The following KCNN2 variants were observed in gnomAD, a reference collection of about 807,000 sequenced individuals.
KCNN2 encodes potassium calcium-activated channel subfamily N member 2.
In KCNN2, 24 loss-of-function variants were observed where a neutral mutation model predicts 55.5. The observed-to-expected ratio is 0.43, with a 90% CI of 0.31 to 0.61. The LOEUF is 0.61. Ranked by LOEUF, KCNN2 falls within the 20% of genes least tolerant of loss-of-function variation. The probability of loss-of-function intolerance (pLI) is 0.08; values close to 1 mark genes in which losing one functional copy is unlikely to be tolerated. For missense variants in KCNN2, 754 were observed against 853.6 expected (o/e 0.88, Z 1.45); for synonymous variants, 431 against 336.1 (o/e 1.28, Z -3.09).
At chr5:114,186,407 GGTGCCATTTTCTGGTCAATTT>G (rs1481155736) in intron 1 of KCNN2, among the ~76,000 whole-genome samples, 1 of 152,050 alleles carries the variant, frequency 6.6e-6, no homozygotes, top group Admixed American at 6.5e-5. Context: ...AGAAAAATGA[GGTGCCATTTTCTGGTCAATTT>G]GTGGAAGTAA....
intron 2 of KCNN2, among the ~76,000 whole-genome samples, chr5:114,261,589 G>T (rs1482649052): frequency 6.6e-6 from 1 of 152,180 alleles, no homozygotes; most frequent in East Asian, 1.9e-4. Context: ...TTCCACCTAA[G>T]AAATGTTTGT....
intron 1 of KCNN2, among the ~76,000 whole-genome samples, chr5:114,143,546 G>A (rs187849453): frequency 3.0e-4 from 46 of 152,200 alleles, no homozygotes; most frequent in African/African-American, 9.6e-4. Flanking sequence ...GGTGCCCCTC[G>A]TGCGTCCATT....
intron 3 of KCNN2, among the ~76,000 whole-genome samples, chr5:114,418,540 C>A (rs1175467868): frequency 6.6e-6 from 1 of 151,820 alleles, no homozygotes; most frequent in Non-Finnish European, 1.5e-5. Flanking sequence ...GTGCAGCTGC[C>A]ATCATTGTCT....
At chr5:114,233,242 T>C (rs1387773874) in intron 2 of KCNN2, among the ~76,000 whole-genome samples, 3 of 152,152 alleles carry the variant, frequency 2.0e-5, no homozygotes, top group Non-Finnish European at 4.4e-5. Context: ...TTTTAACAGA[T>C]ACAAAAATAA....
At chr5:114,163,167 CTGTT>C (rs1246199404) in intron 1 of KCNN2, among the ~76,000 whole-genome samples, 2 of 152,162 alleles carry the variant, frequency 1.3e-5, no homozygotes, top group East Asian at 1.9e-4. Context: ...GTTTCTTAAG[CTGTT>C]TGTTTAGGAA....
intron 1 of KCNN2, among the ~76,000 whole-genome samples, chr5:114,208,077 A>G (rs1753810600): frequency 6.6e-6 from 1 of 152,210 alleles, no homozygotes; most frequent in South Asian, 2.1e-4. Flanking sequence ...TATTAGCATT[A>G]CCATGAGCTC....
At chr5:114,135,641 C>T (rs911597380) in intron 1 of KCNN2, among the ~76,000 whole-genome samples, 4 of 152,164 alleles carry the variant, frequency 2.6e-5, no homozygotes, top group Non-Finnish European at 1.5e-5. Flanking sequence ...ACAGAATTTC[C>T]AGTTAGTTTT....
At chr5:114,082,043 T>C (rs1344017676) in intron 1 of KCNN2, among the ~76,000 whole-genome samples, 1 of 151,956 alleles carries the variant, frequency 6.6e-6, no homozygotes, top group African/African-American at 2.4e-5. Flanking sequence ...AAAGAAGATA[T>C]AAAAATGTCC....
chr5:114,322,576 T>TACAC (rs113249707), intron 2 of KCNN2, among the ~76,000 whole-genome samples: 13,934 of 148,576 alleles, frequency 0.094, 713 homozygotes, highest in African/African-American at 0.13. Context: ...CACTCCCCCA[T>TACAC]ACACACACAC....
At chr5:114,412,329 G>A (rs1036575168) in intron 3 of KCNN2, among the ~76,000 whole-genome samples, 1 of 152,172 alleles carries the variant, frequency 6.6e-6, no homozygotes, top group Non-Finnish European at 1.5e-5. Context: ...TGCAGTGGAT[G>A]TCTTTTAATA....
intron 1 of KCNN2, among the ~76,000 whole-genome samples, chr5:114,174,117 C>A (rs1753093136): frequency 1.3e-5 from 2 of 152,042 alleles, no homozygotes; most frequent in Admixed American, 1.3e-4. Context: ...TTCTCAAACT[C>A]TTCAAGTGGC....
intron 1 of KCNN2, among the ~76,000 whole-genome samples, chr5:114,192,898 A>C (rs1276919131): frequency 6.6e-6 from 1 of 151,872 alleles, no homozygotes. Flanking sequence ...CTCAATCCCC[A>C]TTTCTTAGAA....
chr5:114,271,241 C>G (rs1755325398), intron 2 of KCNN2, among the ~76,000 whole-genome samples: 1 of 152,072 alleles, frequency 6.6e-6, no homozygotes, highest in Non-Finnish European at 1.5e-5. Context: ...ATTTACAGTC[C>G]TTTACCTAGT....
At chr5:114,091,844 T>G (rs1164433673) in intron 1 of KCNN2, among the ~76,000 whole-genome samples, 1 of 152,156 alleles carries the variant, frequency 6.6e-6, no homozygotes, top group Admixed American at 6.6e-5. Context: ...CTTCCGTGAT[T>G]CACTTACCTC....
intron 1 of KCNN2, among the ~76,000 whole-genome samples, chr5:114,137,728 A>T (rs576522431): frequency 6.6e-6 from 1 of 152,260 alleles, no homozygotes; most frequent in East Asian, 1.9e-4. Context: ...TAGCTCCAAT[A>T]ATGTTAAGGA....
chr5:114,379,431 TAACATATTATATATTTATA>T (rs1208245131), intron 2 of KCNN2, among the ~76,000 whole-genome samples: 1 of 138,340 alleles, frequency 7.2e-6, no homozygotes, highest in Non-Finnish European at 1.6e-5. Context: ...AAATATTATA[TAACATATTATATATTTATA>T]GAATATATTA....
chr5:114,175,323 A>G (rs978415168), intron 1 of KCNN2, among the ~76,000 whole-genome samples: 1 of 152,182 alleles, frequency 6.6e-6, no homozygotes, highest in Non-Finnish European at 1.5e-5. Flanking sequence ...ATATATAAAG[A>G]CTTTGAATTT....
intron 3 of KCNN2, among the ~76,000 whole-genome samples, chr5:114,409,544 C>A (rs929761921): frequency 3.3e-5 from 5 of 152,084 alleles, no homozygotes; most frequent in African/African-American, 7.2e-5. Flanking sequence ...ATCCAAGCAT[C>A]CTCTCCATGT....
intron 1 of KCNN2, among the ~76,000 whole-genome samples, chr5:114,182,479 C>G (rs1263353574): frequency 6.6e-6 from 1 of 151,970 alleles, no homozygotes; most frequent in African/African-American, 2.4e-5. Flanking sequence ...TACATCTTAA[C>G]AATATTGAGC....
Sources: allele counts gnomAD v4.1 joint callset (sites outside exome capture counted in the v4.1 genomes callset), GRCh38; gene constraint gnomAD v4.1.1; transcripts MANE v1.5; gene names NCBI Gene and HGNC (gene_info 2026-07-23, HGNC 2026-07-21).